The following DGKI variants were observed in gnomAD, a reference collection of about 807,000 sequenced individuals.
DGKI encodes DAG kinase iota.
A neutral mutation model predicts 147.5 loss-of-function variants in DGKI; 55 were observed. The ratio of observed to expected loss-of-function variants is 0.37; its 90% CI spans 0.30 to 0.47. DGKI has a LOEUF of 0.47. DGKI is among the 20% of genes least tolerant of loss of function. The probability of loss-of-function intolerance (pLI) is 1.00; values close to 1 mark genes in which losing one functional copy is unlikely to be tolerated. For synonymous variants in DGKI, 469 were observed against 477.1 expected (o/e 0.98, Z 0.22); for missense variants, 1,007 against 1,323.8 (o/e 0.76, Z 3.71).
chr7:137,744,122 A>T (rs1795258739), intron 1 of DGKI, among the ~76,000 whole-genome samples: 1 of 152,180 alleles, frequency 6.6e-6, no homozygotes, highest in Admixed American at 6.5e-5. Flanking sequence ...CTTTGAAAGG[A>T]TAAATAAGAT....
At chr7:137,529,196 G>A (rs1484999001) in intron 20 of DGKI, among the ~76,000 whole-genome samples, 5 of 152,096 alleles carry the variant, frequency 3.3e-5, no homozygotes, top group African/African-American at 1.2e-4. Flanking sequence ...TTAGGGGAGC[G>A]TGAATGATGA....
intron 20 of DGKI, among the ~76,000 whole-genome samples, chr7:137,534,976 A>G (rs377735056): frequency 1.3e-5 from 2 of 152,166 alleles, no homozygotes; most frequent in Admixed American, 6.6e-5. Context: ...GGAAGACCAT[A>G]TGAAGACATG....
At chr7:137,818,628 T>C (rs917071439) in intron 1 of DGKI, among the ~76,000 whole-genome samples, 9 of 152,036 alleles carry the variant, frequency 5.9e-5, no homozygotes, top group Non-Finnish European at 1.2e-4. Flanking sequence ...TTTTTGGTAG[T>C]GACGGGGTTT....
chr7:137,743,598 C>T (rs1362469157), intron 1 of DGKI, among the ~76,000 whole-genome samples: 2 of 152,036 alleles, frequency 1.3e-5, no homozygotes, highest in African/African-American at 4.8e-5. Context: ...AAAACAGAAA[C>T]ACAACATACC....
chr7:137,727,076 AAAG>A (rs1424207629), intron 1 of DGKI, among the ~76,000 whole-genome samples: 1 of 152,188 alleles, frequency 6.6e-6, no homozygotes, highest in African/African-American at 2.4e-5. Context: ...TTTCTCATGA[AAAG>A]AAGATTTTTA....
At chr7:137,733,660 A>G (rs1252561477) in intron 1 of DGKI, among the ~76,000 whole-genome samples, 1 of 152,122 alleles carries the variant, frequency 6.6e-6, no homozygotes, top group Non-Finnish European at 1.5e-5. Flanking sequence ...TCGAGCTCAC[A>G]TTCTGGTGGA....
At chr7:137,429,565 A>G (rs1450999211) in intron 28 of DGKI, among the ~76,000 whole-genome samples, 1 of 151,900 alleles carries the variant, frequency 6.6e-6, no homozygotes, top group Non-Finnish European at 1.5e-5. Context: ...GATCTAATTA[A>G]ACTAAAGAGC....
intron 3 of DGKI, among the ~76,000 whole-genome samples, chr7:137,667,909 AGGAG>A (rs1461445148): frequency 2.0e-5 from 3 of 152,202 alleles, no homozygotes; most frequent in Non-Finnish European, 4.4e-5. Flanking sequence ...GAGATTTGCC[AGGAG>A]GCTAGCTGTG....
chr7:137,723,462 AG>A lies in DGKI; in HGVS notation c.402-33461del, dbSNP rs748278615. On this transcript the variant is annotated intron_variant, in intron 1 of 32. Transcript: ENST00000614521. ...TGGTTACTGACGTTGCTATTCAGTC[AG>A]CTAGTATTTATGGAGCTAATAGTTA... 3.9e-4 allele frequency among the ~76,000 whole-genome samples: 59 copies of A among 152,308 alleles called. 1 individual carries two copies. The Middle Eastern group carries it at 0.01, about 26-fold the overall frequency.
At chr7:137,790,981 A>AT (rs1324317279) in intron 1 of DGKI, among the ~76,000 whole-genome samples, 2 of 152,112 alleles carry the variant, frequency 1.3e-5, no homozygotes, top group African/African-American at 2.4e-5. Context: ...CCAAAGGATA[A>AT]TTTTTTTCAC....
In DGKI at chr7:137,733,454, T is replaced by C. The variant is rs1263761552; in HGVS notation, c.402-43452A>G. Among the ~76,000 whole-genome samples, 6 of 152,226 alleles carry C rather than the reference T, an allele frequency of 3.9e-5. No individual in the cohort carries two copies. In the East Asian group the frequency reaches 9.7e-4, roughly 25 times the overall value. On this transcript the variant is annotated intron_variant, in intron 1 of 32. Coordinates refer to ENST00000614521, the MANE Select transcript of DGKI (RefSeq NM_001321708.2). ...TTTTTAAGGCCAAATAGTATTCCAT[T>C]GTATGTATGTACCACATCTGGTTTA...
intron 28 of DGKI, among the ~76,000 whole-genome samples, chr7:137,425,870 A>G (rs199750214): frequency 0.059 from 8,959 of 152,096 alleles, 686 homozygotes; most frequent in African/African-American, 0.18. Context: ...AAAGAAATGA[A>G]CAAAGACTCC....
At chr7:137,761,544 A>C (rs1795856589) in intron 1 of DGKI, among the ~76,000 whole-genome samples, 1 of 152,126 alleles carries the variant, frequency 6.6e-6, no homozygotes, top group South Asian at 2.1e-4. Context: ...CCTCAGCAGC[A>C]CTCAGCGATC....
At chr7:137,688,425 G>A (rs1329299393) in intron 2 of DGKI, among the ~76,000 whole-genome samples, 1 of 152,152 alleles carries the variant, frequency 6.6e-6, no homozygotes, top group Non-Finnish European at 1.5e-5. Flanking sequence ...ATGAAATAGG[G>A]CCATGATTAT....
chr7:137,534,356 C>T (rs1241665545), intron 20 of DGKI, among the ~76,000 whole-genome samples: 2 of 151,808 alleles, frequency 1.3e-5, no homozygotes, highest in Non-Finnish European at 2.9e-5. Context: ...GCTTTGTTTT[C>T]TGGGTGGGGA....
At position 137,597,830 on chromosome 7, in the gene DGKI, C is replaced by T. The variant is rs768257127; in HGVS notation, c.1311+17G>A. ...GATAGAATTGGCAGAGAACTGGATT[C>T]TCTCTCAGGGACCTACCGTTCCATC... On this transcript the variant is annotated intron_variant, in intron 12 of 32. Transcript: ENST00000614521. The T allele has an allele frequency of 1.9e-6, 3 of 1,612,384 alleles. No homozygotes were observed. Among genetic ancestry groups the T allele is most frequent in the Non-Finnish European group, 2.5e-6 (3 of 1,178,664 alleles).
At position 137,385,185 on chromosome 7, in the gene DGKI, T is replaced by C. The variant is rs1323230510; in HGVS notation, c.*6035A>G. The C allele has an allele frequency of 6.6e-6, 1 of 152,096 alleles. No homozygotes were observed. Among genetic ancestry groups the C allele is most frequent in the Non-Finnish European group, 1.5e-5 (1 of 68,010 alleles). 9.4% of individuals were successfully genotyped at this position (152,096 alleles called of 1,614,324 possible). On this transcript the variant is annotated 3_prime_UTR_variant, in exon 33 of 33. Coordinates refer to ENST00000614521, the MANE Select transcript of DGKI (RefSeq NM_001321708.2). ...AAAATTTATAAGCTTCCAGAAGTAT[T>C]TTTAATTAAATTACACCTTTTAGTA...
rs746756848 is a variant in DGKI at position 137,552,546 on chromosome 7, T to C, written c.1970A>G (p.His657Arg). The change falls in exon 20 of 33, where the codon CAT (histidine) becomes CGT (arginine). Residue 657 changes from histidine (H) to arginine (R), a missense_variant. Around this residue, in one of 5 missense-constraint regions of DGKI, gnomAD observed 224 missense variants for 382.7 expected, o/e 0.59. Transcript: ENST00000614521. ...TCGACACTGGTGTAGCCTCTCTCCA[T>C]GGCCCCCAACTTGCAGGGCTGCCTA... ...ASLAALQVGGHGERLHQCREV... is the reference protein window; with the variant it reads ...ASLAALQVGGRGERLHQCREV... The C allele has an allele frequency of 6.2e-7, 1 of 1,614,132 alleles. No individual in the cohort carries two copies. The highest frequency in any genetic ancestry group is 8.5e-7 in the Non-Finnish European group (1 of 1,180,018).
chr7:137,761,710 T>G (rs1795861637), intron 1 of DGKI, among the ~76,000 whole-genome samples: 1 of 152,112 alleles, frequency 6.6e-6, no homozygotes. Flanking sequence ...AACTAAACAT[T>G]CTCACTAAGC....
Sources: allele counts gnomAD v4.1 joint callset (sites outside exome capture counted in the v4.1 genomes callset), GRCh38; gene constraint gnomAD v4.1.1; regional missense constraint gnomAD v4.1.1; transcripts MANE v1.5; gene names NCBI Gene and HGNC (gene_info 2026-07-23, HGNC 2026-07-21).